Variants in CEP85L observed in about 807,000 individuals in gnomAD.
CEP85L encodes the protein centrosomal protein 85L, also known as centrosomal protein of 85 kDa-like.
Under a neutral mutation model 100.3 loss-of-function variants are expected in CEP85L, and 60 were observed. The observed-to-expected ratio is 0.60, with a 90% CI of 0.49 to 0.74. The LOEUF is 0.74. Among genes scored for constraint, CEP85L ranks in the 30% least tolerant of loss-of-function variants. The pLI is 0.00. For missense variants in CEP85L, 973 were observed against 936.2 expected (o/e 1.04, Z -0.51); for synonymous variants, 319 against 322.7 (o/e 0.99, Z 0.12).
chr6:118,519,390 G>C (rs1444410852), intron 4 of CEP85L, among the ~76,000 whole-genome samples: 2 of 148,982 alleles, frequency 1.3e-5, no homozygotes, highest in African/African-American at 2.5e-5. Flanking sequence ...AGTGAGCCAA[G>C]ATCGCGCCAC....
chr6:118,635,733 C>T (rs951090085), intron 1 of CEP85L, among the ~76,000 whole-genome samples: 16 of 152,168 alleles, frequency 1.1e-4, no homozygotes, highest in African/African-American at 3.9e-4. Context: ...AGTCATGCTC[C>T]ATTAAAGCCT....
At chr6:118,673,975 C>T (rs192794510) in intron 1 of CEP85L, among the ~76,000 whole-genome samples, 2 of 152,272 alleles carry the variant, frequency 1.3e-5, no homozygotes, top group East Asian at 3.9e-4. Flanking sequence ...TTCAAAAGAA[C>T]ATTACACCAT....
intron 1 of CEP85L, among the ~76,000 whole-genome samples, chr6:118,648,091 T>C (rs1324586723): frequency 1.3e-5 from 2 of 152,008 alleles, no homozygotes; most frequent in African/African-American, 2.4e-5. Flanking sequence ...TTGTCTCTAC[T>C]AAAAATACAA....
chr6:118,564,039 C>T (rs139385523), intron 3 of CEP85L, among the ~76,000 whole-genome samples: 137 of 152,218 alleles, frequency 9.0e-4, no homozygotes, highest in African/African-American at 3.1e-3. Flanking sequence ...GCAAATTTTG[C>T]TCTTTAGTTG....
chr6:118,611,951 AATC>A (rs1772658170), intron 2 of CEP85L, among the ~76,000 whole-genome samples: 2 of 152,238 alleles, frequency 1.3e-5, no homozygotes, highest in Non-Finnish European at 2.9e-5. Flanking sequence ...CTAGACAGAA[AATC>A]ATCAAGTATA....
At chr6:118,594,159 G>A (rs1032908005) in intron 2 of CEP85L, among the ~76,000 whole-genome samples, 2 of 152,170 alleles carry the variant, frequency 1.3e-5, no homozygotes, top group Non-Finnish European at 2.9e-5. Context: ...CCCCAGCACA[G>A]TGCTTAACAT....
chr6:118,604,578 A>ATGT (rs1772051146), intron 2 of CEP85L, among the ~76,000 whole-genome samples: 1 of 152,204 alleles, frequency 6.6e-6, no homozygotes, highest in Admixed American at 6.5e-5. Flanking sequence ...ACATGTTACG[A>ATGT]TGTTAACTTT....
At chr6:118,641,402 AC>A (rs1318315941) in intron 1 of CEP85L, among the ~76,000 whole-genome samples, 1 of 72,338 alleles carries the variant, frequency 1.4e-5, no homozygotes, top group Non-Finnish European at 3.4e-5. Flanking sequence ...GAAGAAAAAA[AC>A]TTGTTTATAC....
At chr6:118,696,426 C>G (rs1777213979) in intron 1 of CEP85L, among the ~76,000 whole-genome samples, 1 of 151,738 alleles carries the variant, frequency 6.6e-6, no homozygotes, top group Non-Finnish European at 1.5e-5. Context: ...GAATGTCCTC[C>G]TGGGATATGA....
chr6:118,628,350 A>T (rs1298504234), intron 2 of CEP85L, among the ~76,000 whole-genome samples: 2 of 152,192 alleles, frequency 1.3e-5, no homozygotes, highest in South Asian at 2.1e-4. Flanking sequence ...GCCGAGGGAT[A>T]AAAATTCCAA....
At chr6:118,475,645 C>T (rs1018483802) in intron 10 of CEP85L, among the ~76,000 whole-genome samples, 7 of 152,184 alleles carry the variant, frequency 4.6e-5, no homozygotes, top group South Asian at 2.1e-4. Context: ...TGAGCCACCA[C>T]GCCCGGTGAC....
intron 2 of CEP85L, among the ~76,000 whole-genome samples, chr6:118,604,239 T>C (rs531413314): frequency 1.6e-4 from 24 of 152,346 alleles, no homozygotes; most frequent in East Asian, 1.5e-3. Context: ...GTAAGATTCT[T>C]ATAACCCTTT....
chr6:118,471,932 A>G (rs988563721), intron 10 of CEP85L, among the ~76,000 whole-genome samples: 1 of 151,900 alleles, frequency 6.6e-6, no homozygotes, highest in African/African-American at 2.4e-5. Context: ...TGGCCTAACA[A>G]GATTATTTGG....
intron 12 of CEP85L, among the ~76,000 whole-genome samples, chr6:118,466,758 C>A (rs913980590): frequency 1.3e-5 from 2 of 151,978 alleles, no homozygotes; most frequent in Non-Finnish European, 2.9e-5. Context: ...ATTAGGAAAC[C>A]AGGTTCATAG....
chr6:118,697,682 G>A lies in CEP85L; in HGVS notation c.-28+12354C>T, dbSNP rs139249900. 8.7e-4 allele frequency among the ~76,000 whole-genome samples: 132 copies of A among 152,340 alleles called. 2 individuals carry two copies. The East Asian group carries it at 0.025, about 28-fold the overall frequency. On this transcript the variant is annotated intron_variant, in intron 1 of 13. Transcript: ENST00000368488. ...GCAGAGAGGTGGCGGTGTGGCATGA[G>A]GATGAATGCCAGGAAGAAGAGCCAT...
chr6:118,695,048 C>T (rs1465704066), intron 1 of CEP85L, among the ~76,000 whole-genome samples: 2 of 151,872 alleles, frequency 1.3e-5, no homozygotes, highest in Non-Finnish European at 2.9e-5. Context: ...TTTGTTCCAC[C>T]CATACTCTTT....
chr6:118,483,938 A>C, intron 6 of CEP85L, 80 bp from the exon 7 acceptor site: 3 of 1,270,730 alleles, frequency 2.4e-6, no homozygotes, highest in South Asian at 1.4e-5. Flanking sequence ...AATATTAGAC[A>C]CCATTGAATT....
rs543273021 is a variant in CEP85L, at chr6:118,572,825, G to A, written c.233-6509C>T. Reference sequence around the variant, plus strand: ...GCCTGTAATCCCAGCAATTTGGGAGGCCGAGGCGGGCAGATCACCTGAGGT... The same window carrying A: ...GCCTGTAATCCCAGCAATTTGGGAGACCGAGGCGGGCAGATCACCTGAGGT... On this transcript the variant is annotated intron_variant, in intron 2 of 12. Transcript: ENST00000368491. Among the ~76,000 whole-genome samples, 22 of 152,280 alleles carry A rather than the reference G, an allele frequency of 1.4e-4. No individual in the cohort carries two copies. In the South Asian group the frequency reaches 3.5e-3, roughly 24 times the overall value.
chr6:118,584,389 AC>A (rs1373680599), intron 2 of CEP85L, among the ~76,000 whole-genome samples: 1 of 152,084 alleles, frequency 6.6e-6, no homozygotes, highest in African/African-American at 2.4e-5. Flanking sequence ...TTGGGGCATT[AC>A]AGGATTTTGT....
Sources: allele counts gnomAD v4.1 joint callset (sites outside exome capture counted in the v4.1 genomes callset), GRCh38; gene constraint gnomAD v4.1.1; transcripts MANE v1.5; gene names NCBI Gene and HGNC (gene_info 2026-07-23, HGNC 2026-07-21).